Variants in STK40 observed in about 807,000 individuals in gnomAD.
STK40 encodes serine/threonine kinase 40, also known as serine/threonine-protein kinase 40.
A neutral mutation model predicts 47.9 loss-of-function variants in STK40; 13 were observed. That is an observed-to-expected ratio of 0.27 (90% CI 0.18 to 0.43). STK40 has a LOEUF of 0.43. STK40 is among the 20% of genes least tolerant of loss of function. The pLI, the probability that STK40 is intolerant of heterozygous loss-of-function variation, is 1.00. For synonymous variants in STK40, 225 were observed against 243.2 expected, an observed-to-expected ratio of 0.93 and a Z score of 0.69; for missense variants, 460 against 595.1, an observed-to-expected ratio of 0.77 and a Z score of 2.36.
At chr1:36,353,605 C>A (rs1490942973) in intron 6 of STK40, among the ~76,000 whole-genome samples, 1 of 152,232 alleles carries the variant, frequency 6.6e-6, no homozygotes, top group Non-Finnish European at 1.5e-5. Context: ...CTCCAGGAGG[C>A]CCTCTTAGCC....
chr1:36,374,269 T>C (rs1310355667), intron 1 of STK40, among the ~76,000 whole-genome samples: 2 of 152,238 alleles, frequency 1.3e-5, no homozygotes, highest in East Asian at 3.8e-4. Flanking sequence ...TGACCTCCTT[T>C]GGAGGCTGCA....
chr1:36,354,265 G>A, intron 6 of STK40, 99 bp downstream of exon 6: 9 of 1,340,472 alleles, frequency 6.7e-6, no homozygotes, highest in Middle Eastern at 2.0e-4. Flanking sequence ...GTTTTGAGTC[G>A]GAATCCTCAT....
At chr1:36,348,363 C>T (rs1312455929) in intron 7 of STK40, among the ~76,000 whole-genome samples, 1 of 152,234 alleles carries the variant, frequency 6.6e-6, no homozygotes, top group Non-Finnish European at 1.5e-5. Flanking sequence ...TCAGCCTAGT[C>T]ACACATACCC....
chr1:36,375,233 G>A (rs371887481), intron 1 of STK40, among the ~76,000 whole-genome samples: 11 of 152,172 alleles, frequency 7.2e-5, no homozygotes, highest in African/African-American at 2.7e-4. Flanking sequence ...CTGGCCAGGT[G>A]TGATGGCTCA....
At chr1:36,377,496 G>T (rs532427228) in intron 1 of STK40, among the ~76,000 whole-genome samples, 2 of 136,900 alleles carry the variant, frequency 1.5e-5, no homozygotes, top group South Asian at 4.5e-4. Flanking sequence ...CCATGCCATT[G>T]CACTCCAGCC....
chr1:36,348,944 G>T (rs1646728033), intron 6 of STK40, 129 bp from the exon 7 acceptor site: 1 of 792,964 alleles, frequency 1.3e-6, no homozygotes, highest in South Asian at 1.6e-5. Flanking sequence ...CTCGTCAGAG[G>T]GTGAAGCAGC....
intron 1 of STK40, among the ~76,000 whole-genome samples, chr1:36,374,104 G>C (rs1295262900): frequency 6.6e-6 from 1 of 152,266 alleles, no homozygotes; most frequent in Non-Finnish European, 1.5e-5. Context: ...GGGCCAGGCA[G>C]GGCCTGAAAG....
In STK40 at chr1:36,340,651, C is replaced by T. The variant is rs1257682379; in HGVS notation, c.*1104G>A. On this transcript the variant is annotated 3_prime_UTR_variant, in exon 11 of 11. Coordinates refer to ENST00000373132, the MANE Select transcript of STK40 (RefSeq NM_001282547.2). ...GGCTCAAAAGGGCAGCAGGGCTGTTCTCAAGCCAGGCAGGCAGGGTCCCCC... is the reference window on the plus strand; with the variant it reads ...GGCTCAAAAGGGCAGCAGGGCTGTTTTCAAGCCAGGCAGGCAGGGTCCCCC... 1 of 152,826 alleles carries T rather than the reference C, an allele frequency of 6.5e-6. No individual in the cohort carries two copies. The highest frequency in any genetic ancestry group is 2.4e-5 in the African/African-American group (1 of 41,450). The allele number at this position is 152,826 out of a possible 1,614,324, so 9.5% of individuals were successfully genotyped here.
intron 1 of STK40, among the ~76,000 whole-genome samples, chr1:36,376,932 C>T (rs1369610956): frequency 6.6e-6 from 1 of 151,850 alleles, no homozygotes; most frequent in Non-Finnish European, 1.5e-5. Context: ...CTCACCACCA[C>T]ACCTGGCTTT....
chr1:36,357,728 T>C (rs1646817244), intron 4 of STK40, among the ~76,000 whole-genome samples: 1 of 152,226 alleles, frequency 6.6e-6, no homozygotes, highest in Non-Finnish European at 1.5e-5. Flanking sequence ...GCGATTCTCC[T>C]GCCTCAGCCT....
chr1:36,382,936 T>A (rs970716354), intron 1 of STK40, among the ~76,000 whole-genome samples: 18 of 152,198 alleles, frequency 1.2e-4, no homozygotes, highest in Non-Finnish European at 2.5e-4. Context: ...CAGATCTGTC[T>A]GATGGCAGAG....
At chr1:36,355,572 G>GAC (rs1435101593) in intron 4 of STK40, 139 bp from the exon 5 acceptor site, 1 of 913,978 alleles carries the variant, frequency 1.1e-6, no homozygotes, top group Non-Finnish European at 1.7e-6. Flanking sequence ...GGCCAGAGAG[G>GAC]ACTGAGGCCT....
At chr1:36,350,799 T>C (rs2124730295) in intron 6 of STK40, among the ~76,000 whole-genome samples, 1 of 152,308 alleles carries the variant, frequency 6.6e-6, no homozygotes. Flanking sequence ...ACACTGCTGG[T>C]GGGACTTTCC....
chr1:36,348,639 G>A, intron 7 of STK40, 61 bp downstream of exon 7: 1 of 1,499,324 alleles, frequency 6.7e-7, no homozygotes, highest in Non-Finnish European at 9.1e-7. Context: ...TTGCTGAGTG[G>A]ACTGTCACAG....
At chr1:36,342,966 C>A (rs941246024) in intron 10 of STK40, 2 of 574,442 alleles carry the variant, frequency 3.5e-6, no homozygotes, top group Admixed American at 3.1e-5. Context: ...TTCTCCAGTG[C>A]AGGGAATGGG....
chr1:36,351,038 C>T (rs527636012), intron 6 of STK40, among the ~76,000 whole-genome samples: 26 of 152,156 alleles, frequency 1.7e-4, no homozygotes, highest in African/African-American at 5.1e-4. Context: ...CAGAGTGGGA[C>T]GGAGGGAGGG....
chr1:36,342,570 A>G (rs1480881947), intron 10 of STK40: 3 of 158,966 alleles, frequency 1.9e-5, no homozygotes, highest in Non-Finnish European at 4.2e-5. Flanking sequence ...CTTCTGTAAC[A>G]TGGGGCTAAG....
rs111377149 is a variant in STK40, at chr1:36,383,224, G to A, written c.-9+2499C>T. Among the ~76,000 whole-genome samples the A allele has an allele frequency of 7.1e-3, 1,089 of 152,336 alleles. 8 individuals carry two copies. Among genetic ancestry groups the A allele is most frequent in the African/African-American group, 0.025 (1,021 of 41,584 alleles). On this transcript the variant is annotated intron_variant, in intron 1 of 10. Coordinates refer to ENST00000373132, the MANE Select transcript of STK40 (RefSeq NM_001282547.2). ...CTCCTAAAGTGCTGGGATTACAGGC[G>A]TGAGCCATCATACCCGGCCTCAAAT...
intron 1 of STK40, among the ~76,000 whole-genome samples, chr1:36,380,763 G>A (rs1428876114): frequency 6.6e-6 from 1 of 152,192 alleles, no homozygotes; most frequent in Non-Finnish European, 1.5e-5. Flanking sequence ...AATCTGGGCA[G>A]AGGAAAGGTG....
Sources: gnomAD v4.1 joint callset for allele counts (sites outside exome capture counted in the v4.1 genomes callset) on GRCh38, gnomAD v4.1.1 for gene constraint, MANE v1.5 for transcripts, NCBI Gene and HGNC (gene_info 2026-07-23, HGNC 2026-07-21) for gene names.